Variants in ADGRF4 observed in about 807,000 individuals in gnomAD.
ADGRF4 encodes adhesion G protein-coupled receptor F4, also known as G-protein coupled receptor PGR18.
In ADGRF4, 63 loss-of-function variants were observed where a neutral mutation model predicts 58.5. The observed-to-expected ratio is 1.08, with a 90% CI of 0.88 to 1.33. The LOEUF (loss-of-function observed/expected upper bound fraction) is 1.33, where lower values mean the gene tolerates loss of function less well. ADGRF4 is among the 40% of genes most tolerant of loss of function. The pLI is 0.00. For synonymous variants in ADGRF4, 313 were observed against 295.4 expected, an observed-to-expected ratio of 1.06 and a Z score of -0.61; for missense variants, 931 against 843.9, an observed-to-expected ratio of 1.10 and a Z score of -1.28.
intron 9 of ADGRF4, among the ~76,000 whole-genome samples, 183 bp downstream of exon 9, chr6:47,718,628 A>G (rs561147711): frequency 6.8e-6 from 1 of 146,048 alleles, no homozygotes; most frequent in African/African-American, 2.5e-5. Context: ...AAATATGTAC[A>G]TTTTCTGTAA....
intron 2 of ADGRF4, among the ~76,000 whole-genome samples, chr6:47,707,803 C>A (rs1193057466): frequency 6.6e-6 from 1 of 152,112 alleles, no homozygotes; most frequent in Non-Finnish European, 1.5e-5. Flanking sequence ...TCCTAGTATT[C>A]CTAGTATTCC....
chr6:47,714,547 G>T lies in ADGRF4; in HGVS notation c.1302G>T (p.Glu434Asp), dbSNP rs141295803. The change falls in exon 6 of 10, where the codon GAG becomes GAT. Residue 434 changes from glutamate to aspartate, a missense_variant. Transcript: ENST00000283303. ...ATVWSRVVVTEISYMRHVCIV... is the reference protein window; with the variant it reads ...ATVWSRVVVTDISYMRHVCIV... ...TGTGGTCCCGGGTGGTTGTGACGGA[G>T]ATATCATACATGCGTCACGTGTGCA... 19 of 1,614,096 alleles carry T rather than the reference G, an allele frequency of 1.2e-5. No individual in the cohort carries two copies. Among genetic ancestry groups the T allele is most frequent in the Non-Finnish European group, 1.6e-5 (19 of 1,180,020 alleles).
chr6:47,718,541 A>C (rs1772086539), intron 9 of ADGRF4, 96 bp downstream of exon 9: 2 of 771,782 alleles, frequency 2.6e-6, no homozygotes, highest in Middle Eastern at 2.3e-4. Flanking sequence ...ACGTGCTGCC[A>C]GAATGAGGTG....
At position 47,712,395 on chromosome 6, in the gene ADGRF4, A is replaced by G. The variant is rs749410625; in HGVS notation, c.339A>G (p.Pro113=). The change falls in exon 5 of 10, where the codon CCA becomes CCG. Residue 113 remains proline, a synonymous_variant. Coordinates refer to ENST00000283303, the MANE Select transcript of ADGRF4 (RefSeq NM_153838.5). The part of the protein sequence containing the change: ...TGASRLSVAA[P]SIPLHILDFR... ...CATCTCGCCTTTCTGTAGCAGCACCATCTATACCTCTGCATATTCTAGACT... is the reference window on the plus strand; with the variant it reads ...CATCTCGCCTTTCTGTAGCAGCACCGTCTATACCTCTGCATATTCTAGACT... 2 of 1,613,976 alleles carry G rather than the reference A, an allele frequency of 1.2e-6. No homozygotes were observed. Among genetic ancestry groups the G allele is most frequent in the Non-Finnish European group, 1.7e-6 (2 of 1,179,906 alleles).
chr6:47,706,876 C>T (rs1771722133), intron 1 of ADGRF4, among the ~76,000 whole-genome samples: 1 of 152,176 alleles, frequency 6.6e-6, no homozygotes, highest in Non-Finnish European at 1.5e-5. Context: ...TATGCGAAGA[C>T]AGTGCTTAGA....
At position 47,714,926 on chromosome 6, in the gene ADGRF4, G is replaced by C. The variant is rs1771972672; in HGVS notation, c.1681G>C (p.Ala561Pro). 6.2e-7 allele frequency: 1 copy of C among 1,613,588 alleles called. No individual in the cohort carries two copies. Among genetic ancestry groups the C allele is most frequent in the African/African-American group, 1.3e-5 (1 of 74,922 alleles). ...CTGGGACAATACCAAAGCCCTTTTA[G>C]CATTTGCCATCCCGGCGTTCGTCAT... is the stretch of plus-strand genomic sequence containing the variant. ...LNWDNTKALL[A>P]FAIPAFVIVA... Residue 561 changes from alanine to proline, a missense_variant, in exon 6 of 10, where the codon GCA becomes CCA. Ala to Pro is a conservative substitution (Grantham distance 27, BLOSUM62 -1). Coordinates refer to ENST00000283303, the MANE Select transcript of ADGRF4 (RefSeq NM_153838.5).
In ADGRF4 at chr6:47,714,783, G is replaced by T. The variant is rs112563187; in HGVS notation, c.1538G>T (p.Arg513Leu). ...LVIFRRMMKS[R>L]MMVIGFAIGY... Reference sequence around the variant, plus strand: ...ATTTTCCGTAGGATGATGAAGTCCCGAATGATGGTCATTGGCTTTGCCATT... The same window carrying T: ...ATTTTCCGTAGGATGATGAAGTCCCTAATGATGGTCATTGGCTTTGCCATT... The change falls in exon 6 of 10, where the codon CGA (arginine) becomes CTA (leucine). Residue 513 changes from arginine to leucine, a missense_variant. Transcript: ENST00000283303. 5.0e-6 allele frequency: 8 copies of T among 1,613,810 alleles called. No individual in the cohort carries two copies. Among genetic ancestry groups the T allele is most frequent in the Non-Finnish European group, 6.8e-6 (8 of 1,179,862 alleles).
chr6:47,717,243 G>T, intron 7 of ADGRF4, 49 bp from the exon 8 acceptor site: 1 of 1,346,698 alleles, frequency 7.4e-7, no homozygotes, highest in Non-Finnish European at 1.1e-6. Context: ...CAATTCTGTT[G>T]TTTCTTCCAA....
chr6:47,703,928 G>A (rs1255172335), intron 1 of ADGRF4, among the ~76,000 whole-genome samples: 1 of 152,092 alleles, frequency 6.6e-6, no homozygotes, highest in Non-Finnish European at 1.5e-5. Flanking sequence ...CTTCACAAAT[G>A]ACATCACATC....
At chr6:47,710,914 A>G (rs754923330) in intron 4 of ADGRF4, 28 bp downstream of exon 4, 4 of 1,599,090 alleles carry the variant, frequency 2.5e-6, no homozygotes, top group Non-Finnish European at 3.4e-6. Context: ...TATTGGTGAC[A>G]GAAGCCAATC....
Position 47,712,441 on chromosome 6 carries a change from G to C in ADGRF4, c.385G>C (p.Glu129Gln). ...ILDFRAPETI[E>Q]SVAQGIRKNC... ...AGACTTTCGAGCTCCAGAGACCATTGAGAGTGTAGCTCAAGGAATCCGTAA... is the reference window on the plus strand; with the variant it reads ...AGACTTTCGAGCTCCAGAGACCATTCAGAGTGTAGCTCAAGGAATCCGTAA... Residue 129 changes from glutamate to glutamine, a missense_variant, in exon 5 of 10, where the codon GAG becomes CAG. Coordinates refer to ENST00000283303, the MANE Select transcript of ADGRF4 (RefSeq NM_153838.5). The C allele has an allele frequency of 1.2e-6, 2 of 1,614,048 alleles. No individual in the cohort carries two copies. Among genetic ancestry groups the C allele is most frequent in the Non-Finnish European group, 1.7e-6 (2 of 1,179,934 alleles).
At chr6:47,709,685 C>G (rs1002638192) in intron 3 of ADGRF4, among the ~76,000 whole-genome samples, 1 of 152,172 alleles carries the variant, frequency 6.6e-6, no homozygotes, top group Admixed American at 6.5e-5. Flanking sequence ...AATCAATACT[C>G]CCAGTGCTTT....
At position 47,712,355 on chromosome 6, in the gene ADGRF4, A is replaced by G; in HGVS notation, c.301-2A>G. The G allele has an allele frequency of 2.5e-6, 4 of 1,613,452 alleles. No individual in the cohort carries two copies. Among genetic ancestry groups the G allele is most frequent in the Non-Finnish European group, 3.4e-6 (4 of 1,179,540 alleles). On this transcript the variant is annotated splice_acceptor_variant, in intron 4 of 9. Transcript: ENST00000283303. LOFTEE classifies it high-confidence loss of function. ...GAATGAAACTACATTTGTTTTAAACAGGACTCAACTGGTGCATCTCGCCTT... is the reference window on the plus strand; with the variant it reads ...GAATGAAACTACATTTGTTTTAAACGGGACTCAACTGGTGCATCTCGCCTT...
At chr6:47,699,115 C>T (rs993243151) in intron 1 of ADGRF4, among the ~76,000 whole-genome samples, 1 of 152,180 alleles carries the variant, frequency 6.6e-6, no homozygotes, top group Admixed American at 6.5e-5. Flanking sequence ...AATTTCAATA[C>T]CTGTCTTTTA....
Position 47,714,435 on chromosome 6 carries a change from C to A in ADGRF4, c.1190C>A (p.Thr397Asn). The change falls in exon 6 of 10, where the codon ACC becomes AAC. Residue 397 changes from threonine (T) to asparagine (N), a missense_variant. By Grantham distance (65) the Thr-to-Asn change is moderately conservative. Transcript: ENST00000283303. Reference sequence around the variant, plus strand: ...ATTCTCATGTCCTCCAAATCGATGACCGACAAAGTTCTGGACTACATCACC... The same window carrying A: ...ATTCTCATGTCCTCCAAATCGATGAACGACAAAGTTCTGGACTACATCACC... ...FSILMSSKSM[T>N]DKVLDYITCI... 1 of 1,614,114 alleles carries A rather than the reference C, an allele frequency of 6.2e-7. No homozygotes were observed.
intron 2 of ADGRF4, 109 bp downstream of exon 2, chr6:47,707,447 A>G: frequency 4.0e-6 from 3 of 741,492 alleles, no homozygotes; most frequent in East Asian, 2.6e-5. Context: ...TCAAATGGTT[A>G]CAACTTTACT....
rs765746255 is a variant in ADGRF4, at chr6:47,714,182, C to T, written c.937C>T (p.Pro313Ser). 4.3e-6 allele frequency: 7 copies of T among 1,613,886 alleles called. No individual in the cohort carries two copies. Among genetic ancestry groups the T allele is most frequent in the Non-Finnish European group, 5.1e-6 (6 of 1,179,972 alleles). ...AGCCCACTTGCAAAATGTGAGTCTT[C>T]CCAGACAGGTAAATGGTCTGGTGCT... ...REAHLQNVSL[P>S]RQVNGLVLSV... is the part of the protein sequence containing the mutation. Residue 313 changes from proline to serine, a missense_variant, in exon 6 of 10, where the codon CCC (proline) becomes TCC (serine). Physicochemically the swap from Pro to Ser is moderately conservative, Grantham distance 74. Transcript: ENST00000283303.
At chr6:47,703,008 A>T (rs1458822697) in intron 1 of ADGRF4, among the ~76,000 whole-genome samples, 1 of 151,760 alleles carries the variant, frequency 6.6e-6, no homozygotes, top group Non-Finnish European at 1.5e-5. Context: ...GACAATTCTC[A>T]CTCTTCTTGT....
rs747751018 is a variant in ADGRF4 at position 47,717,299 on chromosome 6, A to G, written c.1982A>G (p.Asp661Gly). Residue 661 changes from aspartate (D) to glycine (G), a missense_variant, in exon 8 of 10, where the codon GAT (aspartate) becomes GGT (glycine). Physicochemically the swap from Asp to Gly is moderately conservative, Grantham distance 94. Coordinates refer to ENST00000283303, the MANE Select transcript of ADGRF4 (RefSeq NM_153838.5). ...FGTIMDHKIR[D>G]ALRMRMSSLK... ...TTGTCATTGCTTCTTTAGATAAGAG[A>G]TGCTTTGAGGATGAGGATGTCTTCA... is the stretch of plus-strand genomic sequence containing the variant. 31 of 1,609,042 alleles carry G rather than the reference A, an allele frequency of 1.9e-5. No individual in the cohort carries two copies. The highest frequency in any genetic ancestry group is 1.6e-4 in the Middle Eastern group (1 of 6,074).
Sources: gnomAD v4.1 joint callset for allele counts (sites outside exome capture counted in the v4.1 genomes callset) on GRCh38, gnomAD v4.1.1 for gene constraint, MANE v1.5 for transcripts, NCBI Gene and HGNC (gene_info 2026-07-23, HGNC 2026-07-21) for gene names.